The following ZFHX3 variants were observed in gnomAD, a reference collection of about 807,000 sequenced individuals.
The protein encoded by ZFHX3 is zinc finger homeobox protein 3.
Under a neutral mutation model 279.1 loss-of-function variants are expected in ZFHX3, and 42 were observed. That is an observed-to-expected ratio of 0.15 (90% CI 0.12 to 0.19). ZFHX3 has a LOEUF of 0.19. Among genes scored for constraint, ZFHX3 ranks in the 10% least tolerant of loss-of-function variants. The pLI is 1.00. For synonymous variants in ZFHX3, 2,293 were observed against 1,957.8 expected (o/e 1.17, Z -4.52); for missense variants, 4,981 against 4,754.0 (o/e 1.05, Z -1.40).
chr16:73,412,288 C>T (rs975293463), intron 3 of ZFHX3, among the ~76,000 whole-genome samples: 22 of 146,796 alleles, frequency 1.5e-4, no homozygotes, highest in Admixed American at 4.9e-4. Flanking sequence ...AATCACGCCA[C>T]GGCACTCCAC....
At chr16:73,218,088 T>C (rs920044318) in intron 5 of ZFHX3, among the ~76,000 whole-genome samples, 2 of 152,180 alleles carry the variant, frequency 1.3e-5, no homozygotes, top group African/African-American at 4.8e-5. Context: ...CCTTCAGTGA[T>C]TCCATATTTA....
At chr16:73,499,350 C>T (rs996129706) in intron 2 of ZFHX3, 1 of 152,202 alleles carries the variant, frequency 6.6e-6, no homozygotes, top group Non-Finnish European at 1.5e-5. Flanking sequence ...TTAATTAGTG[C>T]ACTTGGGTTT....
At chr16:73,096,551 C>T (rs1966166505) in intron 7 of ZFHX3, among the ~76,000 whole-genome samples, 1 of 150,868 alleles carries the variant, frequency 6.6e-6, no homozygotes, top group Non-Finnish European at 1.5e-5. Context: ...TATAGGTGTG[C>T]ACCATGAAGC....
intron 1 of ZFHX3, among the ~76,000 whole-genome samples, chr16:73,690,255 A>C (rs1395912236): frequency 6.6e-6 from 1 of 152,118 alleles, no homozygotes. Context: ...AGAATCCCAA[A>C]CTAGATTTGC....
chr16:73,226,827 G>T (rs1396193644), intron 5 of ZFHX3, among the ~76,000 whole-genome samples: 6 of 152,218 alleles, frequency 3.9e-5, no homozygotes, highest in African/African-American at 1.4e-4. Flanking sequence ...TGGCTAGTCA[G>T]TGTGAAGCAG....
chr16:73,274,577 A>G (rs2143038176), intron 4 of ZFHX3, among the ~76,000 whole-genome samples: 1 of 152,314 alleles, frequency 6.6e-6, no homozygotes, highest in Non-Finnish European at 1.5e-5. Context: ...GTTCCACACT[A>G]TTTATTAAGT....
chr16:72,919,857 G>A (rs185083599), intron 3 of ZFHX3, among the ~76,000 whole-genome samples: 14 of 122,980 alleles, frequency 1.1e-4, no homozygotes, highest in South Asian at 2.8e-4. Flanking sequence ...GCAGTGGCAC[G>A]ATCTCAGCTC....
chr16:73,125,829 C>T (rs1161396678), intron 7 of ZFHX3, among the ~76,000 whole-genome samples: 2 of 151,840 alleles, frequency 1.3e-5, no homozygotes, highest in Admixed American at 1.3e-4. Context: ...TATATATACA[C>T]ACACACACAT....
At chr16:73,878,968 T>C (rs2030050822) in intron 1 of ZFHX3, among the ~76,000 whole-genome samples, 1 of 148,742 alleles carries the variant, frequency 6.7e-6, no homozygotes, top group South Asian at 2.1e-4. Context: ...TATATATAGT[T>C]GTGGAAACAT....
chr16:73,874,070 C>G (rs369471507), intron 1 of ZFHX3, among the ~76,000 whole-genome samples: 3 of 152,084 alleles, frequency 2.0e-5, no homozygotes, highest in Non-Finnish European at 4.4e-5. Flanking sequence ...GCAATAGCTG[C>G]CTACGCCATT....
intron 2 of ZFHX3, among the ~76,000 whole-genome samples, chr16:73,678,937 C>T (rs1019435855): frequency 3.3e-5 from 5 of 152,132 alleles, no homozygotes; most frequent in African/African-American, 4.8e-5. Flanking sequence ...GTTCTGCTAA[C>T]GAGGATCACA....
At chr16:73,610,867 C>G (rs919035675) in intron 2 of ZFHX3, among the ~76,000 whole-genome samples, 1 of 152,182 alleles carries the variant, frequency 6.6e-6, no homozygotes, top group African/African-American at 2.4e-5. Flanking sequence ...TTGTCAAAAG[C>G]CAGGGGCTTG....
At position 72,904,367 on chromosome 16, in the gene ZFHX3, AAAATAAATAAATAAAT is replaced by A. The variant is rs200166214; in HGVS notation, c.3217-14421_3217-14406del. On this transcript the variant is annotated intron_variant, in intron 3 of 9. Coordinates refer to ENST00000268489, the MANE Select transcript of ZFHX3 (RefSeq NM_006885.4). Reference sequence around the variant, plus strand: ...TGGCAACAGAGTGAGATTCTGTCTCAAAATAAATAAATAAATAAATAAATAAATAAATAAATAAATA... The same window carrying A: ...TGGCAACAGAGTGAGATTCTGTCTCAAAATAAATAAATAAATAAATAAATA... Among the ~76,000 whole-genome samples the A allele has an allele frequency of 5.5e-3, 769 of 140,060 alleles. 3 individuals carry two copies. Among genetic ancestry groups the A allele is most frequent in the Middle Eastern group, 0.018 (5 of 272 alleles). 91.9% of individuals were successfully genotyped at this position (140,060 alleles called of 152,430 possible). A position where few individuals can be genotyped will look rare whatever the true frequency, so the allele number is the denominator to read the frequency against.
At chr16:73,711,648 C>A (rs1296931964) in intron 1 of ZFHX3, among the ~76,000 whole-genome samples, 1 of 151,994 alleles carries the variant, frequency 6.6e-6, no homozygotes, top group Non-Finnish European at 1.5e-5. Flanking sequence ...GATTTGGAAG[C>A]AAAACTGAAA....
rs148448642 is a variant in ZFHX3, at chr16:73,478,362, G to C, written c.-1546-22104C>G. On this transcript the variant is annotated intron_variant, in intron 2 of 17. Transcript: ENST00000641206. ...CCCTGGACCCTCAGATTAAAAGTCT[G>C]ATGCTCTACCAACTGAGCTATCCAG... Among the ~76,000 whole-genome samples, 18 of 151,580 alleles carry C rather than the reference G, an allele frequency of 1.2e-4. 1 individual carries two copies. Among genetic ancestry groups the C allele is most frequent in the East Asian group, 9.7e-4 (5 of 5,154 alleles).
At chr16:73,160,464 T>C (rs916784447) in intron 5 of ZFHX3, among the ~76,000 whole-genome samples, 8 of 152,320 alleles carry the variant, frequency 5.3e-5, no homozygotes, top group South Asian at 2.1e-4. Flanking sequence ...TTTCTAAGGA[T>C]GAGAACTCCA....
chr16:73,248,149 G>C (rs1205017519), intron 5 of ZFHX3, among the ~76,000 whole-genome samples: 3 of 151,928 alleles, frequency 2.0e-5, no homozygotes, highest in Admixed American at 6.6e-5. Context: ...GTGTGTGTTT[G>C]TCTATGTGCC....
intron 4 of ZFHX3, among the ~76,000 whole-genome samples, chr16:72,831,588 A>C (rs80338213): frequency 1.3e-5 from 2 of 152,230 alleles, no homozygotes; most frequent in Non-Finnish European, 2.9e-5. Flanking sequence ...TATAGGTGTC[A>C]GTAGAGTAAT....
intron 4 of ZFHX3, among the ~76,000 whole-genome samples, chr16:72,851,796 C>T (rs1019289322): frequency 1.3e-5 from 2 of 152,100 alleles, no homozygotes; most frequent in African/African-American, 4.8e-5. Context: ...AGTGATCTGC[C>T]CACCCCAGCC....
Sources: gnomAD v4.1 joint callset for allele counts (sites outside exome capture counted in the v4.1 genomes callset) on GRCh38, gnomAD v4.1.1 for gene constraint, MANE v1.5 for transcripts, NCBI Gene and HGNC (gene_info 2026-07-23, HGNC 2026-07-21) for gene names.